The following MAF variants were observed in gnomAD, a reference collection of about 807,000 sequenced individuals.
MAF encodes MAF bZIP transcription factor.
A neutral mutation model predicts 22.0 loss-of-function variants in MAF; 10 were observed. The ratio of observed to expected loss-of-function variants is 0.45; its 90% CI spans 0.28 to 0.77. MAF has a LOEUF of 0.77. Ranked by LOEUF, MAF falls within the 30% of genes least tolerant of loss-of-function variation. The pLI, the probability that MAF is intolerant of heterozygous loss-of-function variation, is 0.12. For missense variants in MAF, 544 were observed against 548.4 expected (o/e 0.99, Z 0.08); for synonymous variants, 337 against 255.8 (o/e 1.32, Z -3.03).
the MAF span, among the ~76,000 whole-genome samples, chr16:79,482,684 G>A: frequency 6.6e-6 from 1 of 152,100 alleles, no homozygotes; most frequent in Non-Finnish European, 1.5e-5. Flanking sequence ...CCCAGGATGG[G>A]GTGGTGGCTG....
chr16:79,212,608 C>CTT, the MAF span: 1 of 158,270 alleles, frequency 6.3e-6, no homozygotes, highest in Admixed American at 6.0e-5. Context: ...TCACATTGTA[C>CTT]TTAAACCTCC....
chr16:79,292,682 T>C, the MAF span, among the ~76,000 whole-genome samples: 1 of 151,968 alleles, frequency 6.6e-6, no homozygotes, highest in African/African-American at 2.4e-5. Flanking sequence ...GCATTCTAAG[T>C]CACAGGATGA....
chr16:79,481,839 C>G, the MAF span, among the ~76,000 whole-genome samples: 4 of 152,326 alleles, frequency 2.6e-5, no homozygotes, highest in African/African-American at 9.6e-5. Context: ...CTTGAGAAGC[C>G]TCCATCTGGG....
At chr16:79,396,526 T>C in the MAF span, among the ~76,000 whole-genome samples, 95 of 152,328 alleles carry the variant, frequency 6.2e-4, 2 homozygotes, top group African/African-American at 2.0e-3. Context: ...TAGGAAGGCA[T>C]TGTGTGGTTA....
At chr16:79,277,207 T>C in the MAF span, among the ~76,000 whole-genome samples, 141,776 of 152,022 alleles carry the variant, frequency 0.93, 66,130 homozygotes, top group East Asian at 1. Context: ...CTAGGACACG[T>C]GCAGTTCGGT....
the MAF span, among the ~76,000 whole-genome samples, chr16:79,389,764 C>G: frequency 6.6e-6 from 1 of 151,600 alleles, no homozygotes; most frequent in Non-Finnish European, 1.5e-5. Context: ...ATCACGAGGT[C>G]AAGAAATCCA....
the MAF span, among the ~76,000 whole-genome samples, chr16:79,309,584 A>C: frequency 1.1e-3 from 172 of 152,366 alleles, no homozygotes; most frequent in Admixed American, 2.9e-3. Context: ...AAGGAGGCTC[A>C]TAACACCTGT....
the MAF span, among the ~76,000 whole-genome samples, chr16:79,297,678 C>T: frequency 1.3e-5 from 2 of 152,206 alleles, no homozygotes; most frequent in African/African-American, 2.4e-5. Context: ...GTAAACACTA[C>T]CATTCTCATT....
the MAF span, among the ~76,000 whole-genome samples, chr16:79,227,998 C>T: frequency 5.9e-5 from 9 of 152,164 alleles, no homozygotes; most frequent in Non-Finnish European, 8.8e-5. Context: ...TGAACTCCTG[C>T]GCTCAAGCGA....
chr16:79,307,223 G>A, the MAF span, among the ~76,000 whole-genome samples: 2 of 152,184 alleles, frequency 1.3e-5, no homozygotes, highest in African/African-American at 4.8e-5. Context: ...GACCTCACAC[G>A]AGCTGACCAC....
At chr16:79,225,820 C>T in the MAF span, among the ~76,000 whole-genome samples, 1 of 152,146 alleles carries the variant, frequency 6.6e-6, no homozygotes, top group East Asian at 1.9e-4. Context: ...AAATCACAAA[C>T]ACAATGAGAT....
chr16:79,580,957 T>A (rs1360733279), downstream of MAF, among the ~76,000 whole-genome samples: 1 of 152,090 alleles, frequency 6.6e-6, no homozygotes, highest in Non-Finnish European at 1.5e-5. Flanking sequence ...AAGCAGTTCT[T>A]AGTTTGGGTC....
chr16:79,514,644 A>G, the MAF span, among the ~76,000 whole-genome samples: 3 of 152,290 alleles, frequency 2.0e-5, no homozygotes, highest in Admixed American at 1.3e-4. Context: ...ACTAAGATCT[A>G]TAACTCCTAT....
At chr16:79,574,895 A>G in the MAF span, among the ~76,000 whole-genome samples, 1 of 152,056 alleles carries the variant, frequency 6.6e-6, no homozygotes, top group Admixed American at 6.5e-5. Flanking sequence ...GAGTTGTAAA[A>G]CTCAGAGTAA....
At chr16:79,235,636 C>T in the MAF span, among the ~76,000 whole-genome samples, 2 of 151,978 alleles carry the variant, frequency 1.3e-5, no homozygotes, top group African/African-American at 4.8e-5. Context: ...CTCATATGGG[C>T]AACTCTATGC....
chr16:79,208,752 G>C, the MAF span, among the ~76,000 whole-genome samples: 1 of 152,100 alleles, frequency 6.6e-6, no homozygotes, highest in Non-Finnish European at 1.5e-5. Context: ...CGAAAAGCTG[G>C]TGAGCCAAAA....
At chr16:79,283,957 A>G in the MAF span, among the ~76,000 whole-genome samples, 1 of 73,478 alleles carries the variant, frequency 1.4e-5, no homozygotes, top group Non-Finnish European at 2.6e-5. Context: ...TACCCCCTGC[A>G]CCTCCTCCTC....
At chr16:79,412,151 T>G in the MAF span, among the ~76,000 whole-genome samples, 1 of 152,182 alleles carries the variant, frequency 6.6e-6, no homozygotes, top group Non-Finnish European at 1.5e-5. Flanking sequence ...GGCCTGTGAC[T>G]GGGGGTAATT....
At chr16:79,397,519 G>A in the MAF span, among the ~76,000 whole-genome samples, 487 of 152,258 alleles carry the variant, frequency 3.2e-3, 3 homozygotes, top group African/African-American at 0.011. Context: ...CCAGCTGCCT[G>A]ACTCTAATAT....
Sources: allele counts gnomAD v4.1 joint callset (sites outside exome capture counted in the v4.1 genomes callset), GRCh38; gene constraint gnomAD v4.1.1; transcripts MANE v1.5; gene names NCBI Gene and HGNC (gene_info 2026-07-23, HGNC 2026-07-21).